The following EYA4 variants were observed in gnomAD, a reference collection of about 807,000 sequenced individuals.
EYA4 encodes protein phosphatase EYA4.
In EYA4, 31 loss-of-function variants were observed where a neutral mutation model predicts 87.9. The observed-to-expected ratio is 0.35, with a 90% CI of 0.27 to 0.48. The LOEUF (loss-of-function observed/expected upper bound fraction) is 0.48, where lower values mean the gene tolerates loss of function less well. EYA4 is among the 20% of genes least tolerant of loss of function. EYA4 has a pLI of 0.99. For synonymous variants in EYA4, 263 were observed against 270.6 expected, an observed-to-expected ratio of 0.97 and a Z score of 0.28; for missense variants, 678 against 761.4, an observed-to-expected ratio of 0.89 and a Z score of 1.29.
At chr6:133,492,545 C>A (rs1449410267) in intron 13 of EYA4, among the ~76,000 whole-genome samples, 1 of 152,114 alleles carries the variant, frequency 6.6e-6, no homozygotes, top group Non-Finnish European at 1.5e-5. Flanking sequence ...AGATCTGGAG[C>A]AGAACAAAGA....
rs566024235 is a variant in EYA4, at chr6:133,515,023, A to C, written c.1502-298A>C. 4.6e-5 allele frequency among the ~76,000 whole-genome samples: 7 copies of C among 152,326 alleles called. No homozygotes were observed. In the South Asian group the frequency reaches 1.4e-3, roughly 32 times the overall value. ...AAGATCCAGGCAGGGGCATGTTCAAAGCTCTTTAGATGATTGAGATCCACT... is the reference window on the plus strand; with the variant it reads ...AAGATCCAGGCAGGGGCATGTTCAACGCTCTTTAGATGATTGAGATCCACT... On this transcript the variant is annotated intron_variant, in intron 16 of 19. Coordinates refer to ENST00000355286, the MANE Select transcript of EYA4 (RefSeq NM_004100.5).
At chr6:133,304,316 G>A (rs1240898126) in intron 2 of EYA4, among the ~76,000 whole-genome samples, 1 of 152,122 alleles carries the variant, frequency 6.6e-6, no homozygotes, top group African/African-American at 2.4e-5. Flanking sequence ...GCAACTCTGG[G>A]AGCTGTGCCG....
intron 3 of EYA4, among the ~76,000 whole-genome samples, chr6:133,420,010 G>A (rs1790078711): frequency 6.6e-6 from 1 of 152,130 alleles, no homozygotes; most frequent in Non-Finnish European, 1.5e-5. Context: ...TTGTAAAATG[G>A]AAGGAGTACA....
In EYA4 at chr6:133,529,892, G is replaced by A. The variant is rs773922539; in HGVS notation, c.*1087G>A. 1.3e-5 allele frequency: 13 copies of A among 985,216 alleles called. No homozygotes were observed. Among genetic ancestry groups the A allele is most frequent in the Non-Finnish European group, 1.4e-5 (12 of 829,842 alleles). 61.0% of individuals were successfully genotyped at this position (985,216 alleles called of 1,614,324 possible). A position where few individuals can be genotyped will look rare whatever the true frequency, so the allele number is the denominator to read the frequency against. On this transcript the variant is annotated 3_prime_UTR_variant, in exon 20 of 20. Transcript: ENST00000355286. The stretch of plus-strand genomic sequence containing the variant: ...TTGAGACTTTTGATATGTGTAAGTT[G>A]CATAGAGGAGGATATTATCATGCAA...
chr6:133,304,664 T>C (rs1311631129), intron 2 of EYA4, among the ~76,000 whole-genome samples: 1 of 152,174 alleles, frequency 6.6e-6, no homozygotes. Context: ...CAAGTGGCCA[T>C]TGTAGAGTTT....
At chr6:133,303,151 T>TG (rs1779542568) in intron 2 of EYA4, among the ~76,000 whole-genome samples, 1 of 152,232 alleles carries the variant, frequency 6.6e-6, no homozygotes, top group African/African-American at 2.4e-5. Context: ...TTTATAATGA[T>TG]GCAGGCTTAC....
At chr6:133,370,913 G>C (rs1644283669) in intron 2 of EYA4, among the ~76,000 whole-genome samples, 1 of 152,214 alleles carries the variant, frequency 6.6e-6, no homozygotes, top group Non-Finnish European at 1.5e-5. Flanking sequence ...AAAGAATCCT[G>C]TAGTGTTTAG....
At chr6:133,250,059 C>A (rs1168320931) in intron 1 of EYA4, among the ~76,000 whole-genome samples, 1 of 152,142 alleles carries the variant, frequency 6.6e-6, no homozygotes, top group Non-Finnish European at 1.5e-5. Context: ...CTGAACATCC[C>A]CTCCTTGAGA....
In EYA4 at chr6:133,368,291, C is replaced by T. The variant is rs185064053; in HGVS notation, c.34-14101C>T. Among the ~76,000 whole-genome samples, 503 of 152,250 alleles carry T rather than the reference C, an allele frequency of 3.3e-3. 3 individuals carry two copies. Among genetic ancestry groups the T allele is most frequent in the African/African-American group, 0.011 (469 of 41,550 alleles). ...TTTGTTTGTTGTTCCTACCTCGCCCCGCTTTAAGATTAGGGAAGAAAATTA... is the reference window on the plus strand; with the variant it reads ...TTTGTTTGTTGTTCCTACCTCGCCCTGCTTTAAGATTAGGGAAGAAAATTA... On this transcript the variant is annotated intron_variant, in intron 2 of 19. Coordinates refer to ENST00000355286, the MANE Select transcript of EYA4 (RefSeq NM_004100.5).
intron 13 of EYA4, among the ~76,000 whole-genome samples, chr6:133,486,968 C>T (rs916537776): frequency 5.9e-5 from 9 of 151,996 alleles, no homozygotes; most frequent in Non-Finnish European, 1.3e-4. Context: ...ACTCATATTA[C>T]TGAAGGAGGC....
intron 2 of EYA4, among the ~76,000 whole-genome samples, chr6:133,363,812 G>A (rs907463465): frequency 1.3e-5 from 2 of 152,118 alleles, no homozygotes; most frequent in Non-Finnish European, 1.5e-5. Flanking sequence ...TCCCGCTTTC[G>A]GGTCCAGTCA....
intron 2 of EYA4, among the ~76,000 whole-genome samples, chr6:133,367,709 C>T (rs1784957900): frequency 6.6e-6 from 1 of 152,116 alleles, no homozygotes; most frequent in Admixed American, 6.5e-5. Context: ...AGAATTTACC[C>T]ATAGTAAGGC....
intron 9 of EYA4, among the ~76,000 whole-genome samples, chr6:133,463,258 A>T (rs1794554848): frequency 6.6e-6 from 1 of 151,744 alleles, no homozygotes; most frequent in Non-Finnish European, 1.5e-5. Context: ...GCTTAATAGG[A>T]CTGTTATATA....
intron 5 of EYA4, chr6:133,453,555 A>G (rs1392430302): frequency 2.0e-5 from 3 of 152,022 alleles, no homozygotes; most frequent in Admixed American, 6.6e-5. Context: ...TTATTACCTA[A>G]TATTACTGCT....
At position 133,328,926 on chromosome 6, in the gene EYA4, A is replaced by T. The variant is rs867005166; in HGVS notation, c.34-53466A>T. 3.3e-5 allele frequency among the ~76,000 whole-genome samples: 5 copies of T among 152,234 alleles called. No homozygotes were observed. In the South Asian group the frequency reaches 1.0e-3, roughly 32 times the overall value. On this transcript the variant is annotated intron_variant, in intron 2 of 19. Coordinates refer to ENST00000355286, the MANE Select transcript of EYA4 (RefSeq NM_004100.5). ...ATTAAGTTAAACAAATCGAAATTAA[A>T]TTCATTTCAACAAATAGAGGGCCAC...
intron 3 of EYA4, among the ~76,000 whole-genome samples, chr6:133,396,417 A>T (rs1011376649): frequency 1.3e-5 from 2 of 152,174 alleles, no homozygotes. Context: ...AAAATGATTA[A>T]TGTGGTTTGG....
chr6:133,510,503 C>A, intron 14 of EYA4: 2 of 328,484 alleles, frequency 6.1e-6, no homozygotes, highest in Admixed American at 3.2e-5. Context: ...AACCCTTATG[C>A]TAATGGGTAA....
At position 133,374,685 on chromosome 6, in the gene EYA4, G is replaced by A. The variant is rs1254176549; in HGVS notation, c.34-7707G>A. Among the ~76,000 whole-genome samples, 6 of 151,840 alleles carry A rather than the reference G, an allele frequency of 4.0e-5. No homozygotes were observed. In the East Asian group the frequency reaches 5.8e-4, roughly 15 times the overall value. ...TGGTGATTTGGGCTTTTAGAAACAC[G>A]GTTTTGGTTTTGCCAGGGAGAAGCT... On this transcript the variant is annotated intron_variant, in intron 2 of 19. Coordinates refer to ENST00000355286, the MANE Select transcript of EYA4 (RefSeq NM_004100.5).
At chr6:133,274,433 G>T (rs56153760) in intron 1 of EYA4, among the ~76,000 whole-genome samples, 1 of 152,088 alleles carries the variant, frequency 6.6e-6, no homozygotes, top group Non-Finnish European at 1.5e-5. Flanking sequence ...GTAAAATAGT[G>T]TATTAACTGT....
Sources: allele counts gnomAD v4.1 joint callset (sites outside exome capture counted in the v4.1 genomes callset), GRCh38; gene constraint gnomAD v4.1.1; transcripts MANE v1.5; gene names NCBI Gene and HGNC (gene_info 2026-07-23, HGNC 2026-07-21).